The following PRKCA variants were observed in gnomAD, a reference collection of about 807,000 sequenced individuals.
PRKCA encodes protein kinase C alpha.
A neutral mutation model predicts 87.0 loss-of-function variants in PRKCA; 27 were observed. That is an observed-to-expected ratio of 0.31 (90% CI 0.23 to 0.43). The LOEUF (loss-of-function observed/expected upper bound fraction) is 0.43. Among genes scored for constraint, PRKCA ranks in the 20% least tolerant of loss-of-function variants. The pLI, the probability that PRKCA is intolerant of heterozygous loss-of-function variation, is 1.00. For missense variants in PRKCA, 518 were observed against 852.3 expected (o/e 0.61, Z 4.88); for synonymous variants, 329 against 311.1 (o/e 1.06, Z -0.61).
At chr17:66,344,534 G>A (rs1366040179) in intron 2 of PRKCA, among the ~76,000 whole-genome samples, 1 of 152,064 alleles carries the variant, frequency 6.6e-6, no homozygotes, top group Admixed American at 6.6e-5. Context: ...CAAAAAAACA[G>A]TTAGTTGTTA....
chr17:66,716,641 A>G lies in PRKCA; in HGVS notation c.919-16047A>G, dbSNP rs144499774. ...ATTAGCGATCCTAACAGATGTGTCAATTATCAACAGACAAATCTGGGAAAC... is the reference window on the plus strand; with the variant it reads ...ATTAGCGATCCTAACAGATGTGTCAGTTATCAACAGACAAATCTGGGAAAC... On this transcript the variant is annotated intron_variant, in intron 8 of 16. Coordinates refer to ENST00000413366, the MANE Select transcript of PRKCA (RefSeq NM_002737.3). Among the ~76,000 whole-genome samples the G allele has an allele frequency of 1.6e-3, 237 of 152,288 alleles. 2 individuals carry two copies. Among genetic ancestry groups the G allele is most frequent in the African/African-American group, 5.3e-3 (221 of 41,564 alleles).
intron 2 of PRKCA, among the ~76,000 whole-genome samples, chr17:66,414,179 T>A (rs1911989902): frequency 6.6e-6 from 1 of 152,104 alleles, no homozygotes. Context: ...CTCATAGGAA[T>A]TGTGATCCCC....
chr17:66,372,101 T>C (rs1909147782), intron 2 of PRKCA, among the ~76,000 whole-genome samples: 1 of 152,226 alleles, frequency 6.6e-6, no homozygotes, highest in East Asian at 1.9e-4. Flanking sequence ...TATTTTACCA[T>C]GTATATGAGT....
intron 2 of PRKCA, among the ~76,000 whole-genome samples, chr17:66,421,435 T>G (rs903809446): frequency 8.6e-5 from 13 of 151,638 alleles, no homozygotes; most frequent in Admixed American, 2.0e-4. Context: ...TCTGTTTTTT[T>G]TTTTTTTTTT....
rs991101457 is a variant in PRKCA, at chr17:66,314,933, ATGTG to A, written c.205+8814_205+8817del. On this transcript the variant is annotated intron_variant, in intron 2 of 16. Transcript: ENST00000413366. ...TGTATGTGTATATGTGTGTATATAT[ATGTG>A]TGTGTGTATGTGTATGTATATATGT... Among the ~76,000 whole-genome samples, 10 of 144,326 alleles carry A rather than the reference ATGTG, an allele frequency of 6.9e-5. No homozygotes were observed. The South Asian group carries it at 1.4e-3, about 21-fold the overall frequency. The allele number at this position is 144,326 out of a possible 152,430, so 94.7% of individuals were successfully genotyped here. A position where few individuals can be genotyped will look rare whatever the true frequency, so the allele number is the denominator to read the frequency against.
intron 16 of PRKCA, among the ~76,000 whole-genome samples, chr17:66,791,005 T>A (rs548463344): frequency 7.2e-4 from 107 of 148,948 alleles, no homozygotes; most frequent in African/African-American, 1.2e-3. Flanking sequence ...TTTTTTTTTT[T>A]AAATTATTAT....
intron 2 of PRKCA, among the ~76,000 whole-genome samples, chr17:66,438,331 A>T (rs1913524287): frequency 7.2e-6 from 1 of 139,720 alleles, no homozygotes; most frequent in Non-Finnish European, 1.7e-5. Flanking sequence ...GTCTCTTGCC[A>T]TGGGTAGCTC....
intron 1 of PRKCA, 128 bp downstream of exon 1, chr17:66,303,152 C>A: frequency 7.7e-7 from 1 of 1,298,262 alleles, no homozygotes; most frequent in South Asian, 1.5e-5. Flanking sequence ...AGTCCGAACT[C>A]TTCGCCCGGA....
At chr17:66,590,037 A>G (rs1344464611) in intron 3 of PRKCA, among the ~76,000 whole-genome samples, 1 of 151,974 alleles carries the variant, frequency 6.6e-6, no homozygotes, top group Non-Finnish European at 1.5e-5. Context: ...CCCGCCGCTC[A>G]CCTCCTGCTG....
intron 5 of PRKCA, among the ~76,000 whole-genome samples, chr17:66,670,020 C>T (rs943534855): frequency 3.3e-5 from 5 of 152,208 alleles, no homozygotes; most frequent in Non-Finnish European, 5.9e-5. Flanking sequence ...GACCTCTAAT[C>T]GTATGCACTA....
chr17:66,575,453 A>G (rs1403790345), intron 3 of PRKCA, among the ~76,000 whole-genome samples: 2 of 152,122 alleles, frequency 1.3e-5, no homozygotes, highest in African/African-American at 4.8e-5. Flanking sequence ...GGTGGCGCAC[A>G]CCTGTAATCC....
intron 5 of PRKCA, among the ~76,000 whole-genome samples, chr17:66,681,267 G>A (rs987925725): frequency 1.3e-5 from 2 of 152,146 alleles, no homozygotes; most frequent in African/African-American, 4.8e-5. Flanking sequence ...TTCTCTGAAC[G>A]GATTGCATTG....
intron 2 of PRKCA, among the ~76,000 whole-genome samples, chr17:66,369,452 T>C (rs1462640478): frequency 6.6e-6 from 1 of 152,186 alleles, no homozygotes; most frequent in African/African-American, 2.4e-5. Context: ...TTCCTCCTCT[T>C]CCTGTCCTCT....
At chr17:66,685,400 T>C (rs950686625) in intron 5 of PRKCA, among the ~76,000 whole-genome samples, 11 of 152,172 alleles carry the variant, frequency 7.2e-5, no homozygotes, top group Non-Finnish European at 1.3e-4. Context: ...TTTATTTGTG[T>C]GCTATCTGCT....
At chr17:66,394,267 A>C (rs1910534780) in intron 2 of PRKCA, among the ~76,000 whole-genome samples, 1 of 152,156 alleles carries the variant, frequency 6.6e-6, no homozygotes, top group Non-Finnish European at 1.5e-5. Flanking sequence ...CCAGGATCGG[A>C]ACTGGGTGCT....
At chr17:66,378,436 G>A (rs1025973608) in intron 2 of PRKCA, among the ~76,000 whole-genome samples, 1 of 152,024 alleles carries the variant, frequency 6.6e-6, no homozygotes, top group African/African-American at 2.4e-5. Context: ...TAGTATTCAC[G>A]GAATTGAATG....
chr17:66,305,992 A>G (rs575381466), intron 1 of PRKCA, 104 bp from the exon 2 acceptor site: 6 of 1,042,632 alleles, frequency 5.8e-6, no homozygotes, highest in East Asian at 2.4e-5. Flanking sequence ...TGGGTTTCAC[A>G]TACAAACCTT....
intron 3 of PRKCA, among the ~76,000 whole-genome samples, chr17:66,539,631 C>G (rs1967913513): frequency 6.6e-6 from 1 of 152,124 alleles, no homozygotes; most frequent in South Asian, 2.1e-4. Context: ...GTCTCGATCA[C>G]CTGATTTGTG....
chr17:66,674,994 C>G (rs989909287), intron 5 of PRKCA, among the ~76,000 whole-genome samples: 1 of 152,252 alleles, frequency 6.6e-6, no homozygotes, highest in Non-Finnish European at 1.5e-5. Flanking sequence ...ATGGACCAAC[C>G]ACCCAACGCC....
Sources: gnomAD v4.1 joint callset for allele counts (sites outside exome capture counted in the v4.1 genomes callset) on GRCh38, gnomAD v4.1.1 for gene constraint, MANE v1.5 for transcripts, NCBI Gene and HGNC (gene_info 2026-07-23, HGNC 2026-07-21) for gene names.